Variants in PRKN observed in about 807,000 individuals in gnomAD.
PRKN encodes the protein parkin RBR E3 ubiquitin protein ligase.
PRKN carries 56 observed loss-of-function variants against 59.5 expected under a neutral mutation model. That is an observed-to-expected ratio of 0.94 (90% CI 0.76 to 1.18). PRKN has a LOEUF of 1.18. Among genes scored for constraint, PRKN ranks in the 50% most tolerant of loss-of-function variants. The pLI is 0.00. For synonymous variants in PRKN, 250 were observed against 222.1 expected (o/e 1.13, Z -1.12); for missense variants, 657 against 596.4 (o/e 1.10, Z -1.06).
In PRKN at chr6:162,057,713, T is replaced by G. The variant is rs576265469; in HGVS notation, c.535-3539A>C. 3.9e-5 allele frequency among the ~76,000 whole-genome samples: 6 copies of G among 152,322 alleles called. No homozygotes were observed. In the South Asian group the frequency reaches 1.2e-3, roughly 32 times the overall value. ...CTATAGTTGCTTTAGCCATGCAACT[T>G]CTGGAACACTGTGTACGACGATTAG... is the stretch of plus-strand genomic sequence containing the variant. On this transcript the variant is annotated intron_variant, in intron 4 of 11. Transcript: ENST00000366898.
At chr6:161,855,456 G>C (rs1793613076) in intron 6 of PRKN, among the ~76,000 whole-genome samples, 1 of 152,100 alleles carries the variant, frequency 6.6e-6, no homozygotes, top group Non-Finnish European at 1.5e-5. Flanking sequence ...AAAAATCATT[G>C]ATTCATTTAC....
chr6:161,700,566 C>A (rs2128178791), intron 7 of PRKN, among the ~76,000 whole-genome samples: 1 of 152,250 alleles, frequency 6.6e-6, no homozygotes, highest in South Asian at 2.1e-4. Context: ...ACAACTTCCC[C>A]ATTTCCTGGA....
Position 162,275,377 on chromosome 6 carries a change from A to C in PRKN, c.172-12612T>G, listed in dbSNP as rs1379563905. The C allele has an allele frequency of 3.3e-5, 5 of 152,168 alleles. No homozygotes were observed. The East Asian group carries it at 9.6e-4, about 29-fold the overall frequency. 9.4% of individuals were successfully genotyped at this position (152,168 alleles called of 1,614,324 possible). A position where few individuals can be genotyped will look rare whatever the true frequency, so the allele number is the denominator to read the frequency against. On this transcript the variant is annotated intron_variant, in intron 2 of 11. Coordinates refer to ENST00000366898, the MANE Select transcript of PRKN (RefSeq NM_004562.3). ...ATAGCTATTTTGTTACTCAGAGATA[A>C]ATTTTGTATAGGAAGGCAGAATAAA... is the stretch of plus-strand genomic sequence containing the variant.
intron 11 of PRKN, among the ~76,000 whole-genome samples, chr6:161,358,071 G>T (rs1784830702): frequency 1.3e-5 from 2 of 152,186 alleles, no homozygotes; most frequent in Non-Finnish European, 2.9e-5. Context: ...ATGATTTTCA[G>T]TTTACGCTAA....
intron 1 of PRKN, among the ~76,000 whole-genome samples, chr6:162,506,052 A>ATTTGG (rs1433518921): frequency 6.6e-6 from 1 of 152,110 alleles, no homozygotes; most frequent in African/African-American, 2.4e-5. Context: ...TTGATCCTCC[A>ATTTGG]TTTGGTGCTG....
At chr6:162,647,111 C>A (rs556019915) in intron 1 of PRKN, among the ~76,000 whole-genome samples, 2 of 152,004 alleles carry the variant, frequency 1.3e-5, no homozygotes, top group Admixed American at 1.3e-4. Context: ...GCCCTCTCCA[C>A]AAAGGTAAAC....
At chr6:161,959,408 C>G (rs946138737) in intron 6 of PRKN, among the ~76,000 whole-genome samples, 18 of 152,172 alleles carry the variant, frequency 1.2e-4, no homozygotes, top group African/African-American at 4.3e-4. Context: ...CTGGAGAAGT[C>G]CGCCCATAAC....
chr6:162,616,795 T>G (rs1233695372), intron 1 of PRKN, among the ~76,000 whole-genome samples: 7 of 152,182 alleles, frequency 4.6e-5, no homozygotes, highest in Admixed American at 2.0e-4. Flanking sequence ...TTTGCTATAC[T>G]TCGCAATATA....
intron 7 of PRKN, among the ~76,000 whole-genome samples, chr6:161,670,395 T>TCGG (rs1274590557): frequency 1.3e-5 from 2 of 152,138 alleles, no homozygotes; most frequent in East Asian, 3.9e-4. Context: ...CACCTTCTCT[T>TCGG]GTGGTTTCGG....
chr6:161,843,053 C>T (rs999126749), intron 6 of PRKN, among the ~76,000 whole-genome samples: 8 of 152,140 alleles, frequency 5.3e-5, no homozygotes, highest in African/African-American at 1.9e-4. Context: ...GAGGGACAGC[C>T]TGCTACTGTA....
Position 161,413,649 on chromosome 6 carries a change from A to T in PRKN, c.1084-26772T>A, listed in dbSNP as rs1474137564. Among the ~76,000 whole-genome samples, 1 of 152,188 alleles carries T rather than the reference A, an allele frequency of 6.6e-6. No homozygotes were observed. The highest frequency in any genetic ancestry group is 1.5e-5 in the Non-Finnish European group (1 of 68,036). On this transcript the variant is annotated intron_variant, in intron 9 of 11. Transcript: ENST00000366898. The surrounding 1 kb of genome is among the most constrained non-coding windows in gnomAD (Gnocchi z 4.4). ...AGAGGCATGGGCTGCACCGGGTCCC[A>T]GGGACACCTGAGCACGTCTCAGGGC...
intron 6 of PRKN, among the ~76,000 whole-genome samples, chr6:161,912,072 G>C (rs1383850481): frequency 6.6e-6 from 1 of 151,932 alleles, no homozygotes; most frequent in Admixed American, 6.6e-5. Flanking sequence ...CAACTACTTG[G>C]GAGGCTGAGG....
At chr6:162,717,860 C>T (rs151050734) in intron 1 of PRKN, among the ~76,000 whole-genome samples, 74 of 152,250 alleles carry the variant, frequency 4.9e-4, no homozygotes, top group African/African-American at 1.7e-3. Flanking sequence ...AAGTAGAATC[C>T]GTTTTAAATG....
At chr6:162,391,881 C>T (rs754897822) in intron 2 of PRKN, among the ~76,000 whole-genome samples, 7 of 152,122 alleles carry the variant, frequency 4.6e-5, no homozygotes, top group Non-Finnish European at 1.0e-4. Flanking sequence ...AAAAGGCCAA[C>T]GCATTACATT....
chr6:161,633,481 T>C (rs911183312), intron 7 of PRKN, among the ~76,000 whole-genome samples: 1 of 152,236 alleles, frequency 6.6e-6, no homozygotes, highest in Admixed American at 6.5e-5. Context: ...TGTAGAAATT[T>C]ATCAAACAAA....
chr6:162,010,880 T>TTA (rs1171500082), intron 5 of PRKN, among the ~76,000 whole-genome samples: 5 of 9,802 alleles, frequency 5.1e-4, no homozygotes, highest in African/African-American at 4.3e-3. Flanking sequence ...ATAAAATATA[T>TTA]TATATAATAT....
intron 7 of PRKN, among the ~76,000 whole-genome samples, chr6:161,697,686 A>G (rs1401893894): frequency 6.6e-6 from 1 of 152,148 alleles, no homozygotes; most frequent in Non-Finnish European, 1.5e-5. Flanking sequence ...GGTAAGTTCA[A>G]TATCTGTTTC....
intron 3 of PRKN, among the ~76,000 whole-genome samples, chr6:162,213,800 ACCATACACACACACACACACAC>A (rs1429236943): frequency 5.6e-5 from 7 of 125,638 alleles, no homozygotes; most frequent in African/African-American, 2.1e-4. Context: ...CCAAAAAAAA[ACCATACACACACACACACACAC>A]ACACACACAC....
At chr6:162,075,367 T>G (rs368692607) in intron 4 of PRKN, among the ~76,000 whole-genome samples, 4 of 151,454 alleles carry the variant, frequency 2.6e-5, no homozygotes, top group African/African-American at 9.8e-5. Context: ...AATATTATTA[T>G]TTAGTTCTCA....
Sources: gnomAD v4.1 joint callset for allele counts (sites outside exome capture counted in the v4.1 genomes callset) on GRCh38, gnomAD v4.1.1 for gene constraint, Gnocchi (gnomAD v3.1) non-coding constraint, MANE v1.5 for transcripts, NCBI Gene and HGNC (gene_info 2026-07-23, HGNC 2026-07-21) for gene names.